MBD5: variants seen among roughly 807,000 people sequenced by gnomAD.
The protein encoded by MBD5 is methyl-CpG binding domain protein 5.
A neutral mutation model predicts 117.3 loss-of-function variants in MBD5; 13 were observed. The ratio of observed to expected loss-of-function variants is 0.11; its 90% CI spans 0.07 to 0.18. The LOEUF is 0.18. Ranked by LOEUF, MBD5 falls within the 10% of genes least tolerant of loss-of-function variation. MBD5 has a pLI of 1.00. For missense variants in MBD5, 1,879 were observed against 2,093.8 expected, an observed-to-expected ratio of 0.90 and a Z score of 2.00; for synonymous variants, 727 against 766.4, an observed-to-expected ratio of 0.95 and a Z score of 0.85.
intron 3 of MBD5, among the ~76,000 whole-genome samples, chr2:148,294,501 G>GTTTTTTTCTTTTTGTT (rs1701590059): frequency 1.8e-5 from 2 of 113,216 alleles, no homozygotes; most frequent in South Asian, 2.7e-4. Flanking sequence ...TGGGATTACA[G>GTTTTTTTCTTTTTGTT]TTTTTTTTTT....
At chr2:148,439,355 G>A (rs555826700) in intron 4 of MBD5, among the ~76,000 whole-genome samples, 17 of 152,224 alleles carry the variant, frequency 1.1e-4, no homozygotes, top group African/African-American at 3.9e-4. Context: ...TTTCTGCCAT[G>A]TGTACTTTAG....
intron 1 of MBD5, among the ~76,000 whole-genome samples, chr2:148,137,214 T>C (rs909383429): frequency 2.0e-5 from 3 of 152,218 alleles, no homozygotes; most frequent in Non-Finnish European, 4.4e-5. Flanking sequence ...ACACACAGTA[T>C]TTCCATATCA....
chr2:148,450,150 G>A (rs1444947005), intron 4 of MBD5, among the ~76,000 whole-genome samples: 4 of 151,958 alleles, frequency 2.6e-5, no homozygotes, highest in African/African-American at 9.7e-5. Context: ...ATAACAATTT[G>A]GGTACTTACT....
intron 1 of MBD5, among the ~76,000 whole-genome samples, chr2:148,141,465 T>C (rs1401982933): frequency 6.6e-6 from 1 of 152,128 alleles, no homozygotes; most frequent in Non-Finnish European, 1.5e-5. Flanking sequence ...AGTCTAATAA[T>C]TGAAGGAAAG....
At chr2:148,293,500 G>A (rs991157214) in intron 3 of MBD5, among the ~76,000 whole-genome samples, 4 of 151,982 alleles carry the variant, frequency 2.6e-5, no homozygotes, top group Non-Finnish European at 4.4e-5. Context: ...CATGTACCCC[G>A]TAAATATATA....
At chr2:148,261,372 T>C (rs1036086986) in intron 3 of MBD5, among the ~76,000 whole-genome samples, 6 of 152,248 alleles carry the variant, frequency 3.9e-5, no homozygotes, top group African/African-American at 1.2e-4. Flanking sequence ...TAGCTAGATC[T>C]TCTAGATAAC....
At chr2:148,361,156 C>G (rs994538111) in intron 4 of MBD5, among the ~76,000 whole-genome samples, 1 of 152,112 alleles carries the variant, frequency 6.6e-6, no homozygotes, top group Non-Finnish European at 1.5e-5. Context: ...AACCAGCCAG[C>G]CTGGCCAACA....
At chr2:148,498,093 A>C (rs1681757632) in intron 11 of MBD5, among the ~76,000 whole-genome samples, 1 of 152,200 alleles carries the variant, frequency 6.6e-6, no homozygotes, top group Non-Finnish European at 1.5e-5. Flanking sequence ...GCCATTCCCC[A>C]ACAACAGGAC....
chr2:148,226,931 A>G (rs1161185613), intron 2 of MBD5, among the ~76,000 whole-genome samples: 1 of 152,142 alleles, frequency 6.6e-6, no homozygotes, highest in East Asian at 1.9e-4. Context: ...GTGTCTGTTC[A>G]TACCCTTGAC....
chr2:148,101,108 T>A (rs889102281), intron 1 of MBD5, among the ~76,000 whole-genome samples: 2 of 152,172 alleles, frequency 1.3e-5, no homozygotes, highest in African/African-American at 4.8e-5. Flanking sequence ...ATTGTAAATT[T>A]TTTTGTGGCC....
chr2:148,202,919 C>T (rs1574131501), intron 2 of MBD5, among the ~76,000 whole-genome samples: 1 of 151,838 alleles, frequency 6.6e-6, no homozygotes, highest in East Asian at 1.9e-4. Context: ...GACTGGCCAA[C>T]ATAGTGAAAC....
intron 1 of MBD5, among the ~76,000 whole-genome samples, chr2:148,037,774 G>T (rs2105647922): frequency 1.3e-5 from 2 of 152,018 alleles, no homozygotes; most frequent in Middle Eastern, 6.8e-3. Context: ...CATTAATTCA[G>T]TTACTCATTC....
chr2:148,397,368 C>T (rs115090012), intron 4 of MBD5, among the ~76,000 whole-genome samples: 2,679 of 139,456 alleles, frequency 0.019, 32 homozygotes, highest in Middle Eastern at 0.051. Flanking sequence ...CTCGCTGTCT[C>T]GCCCAGGCTA....
chr2:148,201,770 T>TGG (rs1699149088), intron 2 of MBD5, among the ~76,000 whole-genome samples: 1 of 152,174 alleles, frequency 6.6e-6, no homozygotes, highest in Non-Finnish European at 1.5e-5. Context: ...GGGTGGTTTC[T>TGG]CTCTCAGTGT....
At chr2:148,035,079 C>T (rs1254730354) in intron 1 of MBD5, among the ~76,000 whole-genome samples, 6 of 151,944 alleles carry the variant, frequency 3.9e-5, no homozygotes, top group African/African-American at 1.5e-4. Context: ...AGTATGAAGT[C>T]CTAGAATGTT....
chr2:148,476,625 C>G (rs898139424), intron 8 of MBD5, among the ~76,000 whole-genome samples: 1 of 152,096 alleles, frequency 6.6e-6, no homozygotes, highest in Non-Finnish European at 1.5e-5. Context: ...CAAAAATATA[C>G]TAGTTGGGGC....
intron 3 of MBD5, among the ~76,000 whole-genome samples, chr2:148,330,085 C>CCACACACACACA (rs1342548094): frequency 1.2e-3 from 2 of 1,676 alleles, no homozygotes; most frequent in South Asian, 0.05. Flanking sequence ...AGCCCTCCTG[C>CCACACACACACA]CATACACACA....
At chr2:148,324,396 G>A (rs1263074135) in intron 3 of MBD5, among the ~76,000 whole-genome samples, 1 of 152,104 alleles carries the variant, frequency 6.6e-6, no homozygotes, top group African/African-American at 2.4e-5. Flanking sequence ...AGCTTGATGG[G>A]GATGGCATTG....
chr2:148,215,374 G>C (rs35459471), intron 2 of MBD5, among the ~76,000 whole-genome samples: 5,242 of 152,200 alleles, frequency 0.034, 132 homozygotes, highest in Non-Finnish European at 0.046. Context: ...AAGCTCAATA[G>C]AAATAAAATG....
Sources: gnomAD v4.1 joint callset for allele counts (sites outside exome capture counted in the v4.1 genomes callset) on GRCh38, gnomAD v4.1.1 for gene constraint, MANE v1.5 for transcripts, NCBI Gene and HGNC (gene_info 2026-07-23, HGNC 2026-07-21) for gene names.